The following NLGN4X variants were observed in gnomAD, a reference collection of about 807,000 sequenced individuals.
The protein encoded by NLGN4X is neuroligin 4 X-linked.
In NLGN4X, 3 loss-of-function variants were observed where a neutral mutation model predicts 40.3. The ratio of observed to expected loss-of-function variants is 0.07; its 90% confidence interval spans 0.03 to 0.19. The LOEUF (loss-of-function observed/expected upper bound fraction) is 0.19, where lower values mean the gene tolerates loss of function less well. Ranked by LOEUF, NLGN4X falls within the 10% of genes least tolerant of loss-of-function variation. The pLI, the probability that NLGN4X is intolerant of heterozygous loss-of-function variation, is 1.00. For synonymous variants in NLGN4X, 270 were observed against 306.8 expected, an observed-to-expected ratio of 0.88 and a Z score of 1.25; for missense variants, 382 against 708.3, an observed-to-expected ratio of 0.54 and a Z score of 5.23.
At chrX:6,090,554 T>C (rs745784031) in intron 2 of NLGN4X, among the ~76,000 whole-genome samples, 2 of 111,615 alleles carry the variant, frequency 1.8e-5, no homozygotes, top group South Asian at 7.5e-4. Context: ...AATAACAACA[T>C]AATTTCAATT....
chrX:6,076,188 C>T (rs1486968640), intron 2 of NLGN4X, among the ~76,000 whole-genome samples: 2 of 112,373 alleles, frequency 1.8e-5, no homozygotes, highest in Admixed American at 1.9e-4. Flanking sequence ...GAAACAAACG[C>T]TCCATATTTG....
At chrX:6,013,237 C>T (rs771446498) in intron 3 of NLGN4X, among the ~76,000 whole-genome samples, 20 of 111,174 alleles carry the variant, frequency 1.8e-4, no homozygotes, top group Non-Finnish European at 2.8e-4. Flanking sequence ...TTCCAGCTAA[C>T]CTATGTGTAA....
At chrX:6,121,884 T>C (rs767612791) in intron 2 of NLGN4X, among the ~76,000 whole-genome samples, 1 of 112,694 alleles carries the variant, frequency 8.9e-6, no homozygotes, top group South Asian at 3.7e-4. Flanking sequence ...GGCGGATCAA[T>C]GCTTTTCTCA....
At chrX:5,905,742 G>A (rs1440554156) in intron 4 of NLGN4X, among the ~76,000 whole-genome samples, 2 of 112,039 alleles carry the variant, frequency 1.8e-5, no homozygotes, top group African/African-American at 6.5e-5. Flanking sequence ...TGCAGTGGCG[G>A]GATCTTGGCT....
chrX:6,028,381 C>T (rs1338306282), intron 3 of NLGN4X, among the ~76,000 whole-genome samples: 1 of 111,047 alleles, frequency 9.0e-6, no homozygotes, highest in African/African-American at 3.3e-5. Context: ...TGAATGATGG[C>T]CGGGCGTAGT....
At chrX:6,196,390 A>AAATAC (rs1221140144) in intron 1 of NLGN4X, among the ~76,000 whole-genome samples, 2 of 109,020 alleles carry the variant, frequency 1.8e-5, no homozygotes, top group African/African-American at 6.6e-5. Flanking sequence ...TCTCTACTAA[A>AAATAC]AATACAAAAC....
At chrX:6,052,466 T>C (rs906097502) in intron 2 of NLGN4X, among the ~76,000 whole-genome samples, 1 of 111,932 alleles carries the variant, frequency 8.9e-6, no homozygotes, top group Non-Finnish European at 1.9e-5. Flanking sequence ...TTTCAGGTAA[T>C]GTGAATTCTG....
chrX:6,047,417 A>T (rs956552745), intron 2 of NLGN4X, among the ~76,000 whole-genome samples: 1 of 111,786 alleles, frequency 8.9e-6, no homozygotes, highest in Non-Finnish European at 1.9e-5. Context: ...CCAAGGCTGC[A>T]GCGAGCTACG....
At chrX:5,989,697 TG>T (rs1429011765) in intron 3 of NLGN4X, among the ~76,000 whole-genome samples, 1 of 111,816 alleles carries the variant, frequency 8.9e-6, no homozygotes, top group Admixed American at 9.5e-5. Flanking sequence ...ACAACTTGTA[TG>T]TTTTTCATAT....
chrX:6,112,149 A>G (rs1764992030), intron 2 of NLGN4X, among the ~76,000 whole-genome samples: 1 of 111,678 alleles, frequency 9.0e-6, no homozygotes, highest in Non-Finnish European at 1.9e-5. Flanking sequence ...ATTTCCTACA[A>G]TCTGTTGCAG....
At chrX:6,190,387 G>T (rs186336192) in intron 1 of NLGN4X, among the ~76,000 whole-genome samples, 1 of 111,894 alleles carries the variant, frequency 8.9e-6, no homozygotes, top group Non-Finnish European at 1.9e-5. Context: ...ACAAAAGTTT[G>T]GAAGCTACAA....
chrX:5,923,042 C>T (rs1177238860), intron 3 of NLGN4X, among the ~76,000 whole-genome samples: 1 of 111,744 alleles, frequency 8.9e-6, no homozygotes, highest in Non-Finnish European at 1.9e-5. Context: ...ATAATTATCA[C>T]CACTACCTAT....
intron 2 of NLGN4X, among the ~76,000 whole-genome samples, chrX:6,148,137 G>A (rs1270538201): frequency 3.6e-5 from 4 of 112,336 alleles, no homozygotes; most frequent in East Asian, 2.8e-4. Context: ...GGATAAGTAC[G>A]TATCTAAAAT....
intron 2 of NLGN4X, among the ~76,000 whole-genome samples, chrX:6,098,714 G>A (rs1443059649): frequency 1.8e-5 from 2 of 111,204 alleles, no homozygotes; most frequent in African/African-American, 6.6e-5. Flanking sequence ...TGACTGCACT[G>A]GGCTCCTTCG....
intron 2 of NLGN4X, among the ~76,000 whole-genome samples, chrX:6,033,381 G>C (rs143358742): frequency 5.8e-4 from 65 of 112,213 alleles, no homozygotes; most frequent in African/African-American, 1.7e-3. Flanking sequence ...TCTGTGTTTA[G>C]AGAAGCACTA....
intron 1 of NLGN4X, among the ~76,000 whole-genome samples, chrX:6,209,459 G>C (rs12559581): frequency 4.5e-5 from 5 of 110,208 alleles, no homozygotes; most frequent in Non-Finnish European, 9.5e-5. Flanking sequence ...TCAGCATCAC[G>C]CAAGGCACAG....
intron 2 of NLGN4X, among the ~76,000 whole-genome samples, chrX:6,134,241 A>G (rs147724797): frequency 0.013 from 1,504 of 111,934 alleles, 20 homozygotes; most frequent in African/African-American, 0.045. Context: ...TGAGTGCAGG[A>G]CTTCAAATTC....
chrX:5,962,318 AG>A (rs1407947711), intron 3 of NLGN4X, among the ~76,000 whole-genome samples: 2 of 111,849 alleles, frequency 1.8e-5, no homozygotes, highest in African/African-American at 6.5e-5. Flanking sequence ...CCTATAAGGC[AG>A]GTAGAGCTAA....
At chrX:6,206,482 G>C (rs990548518) in intron 1 of NLGN4X, among the ~76,000 whole-genome samples, 6 of 111,740 alleles carry the variant, frequency 5.4e-5, no homozygotes, top group African/African-American at 1.9e-4. Flanking sequence ...GAGTTTCCTA[G>C]AGTTACTATC....
Sources: allele counts gnomAD v4.1 joint callset (sites outside exome capture counted in the v4.1 genomes callset), GRCh38; gene constraint gnomAD v4.1.1; transcripts MANE v1.5; gene names NCBI Gene and HGNC (gene_info 2026-07-23, HGNC 2026-07-21).